The following STAU2 variants were observed in gnomAD, a reference collection of about 807,000 sequenced individuals.
STAU2 encodes staufen double-stranded RNA binding protein 2.
A neutral mutation model predicts 65.9 loss-of-function variants in STAU2; 20 were observed. The observed-to-expected ratio is 0.30, with a 90% CI of 0.21 to 0.44. The LOEUF (loss-of-function observed/expected upper bound fraction) is 0.44, where lower values mean the gene tolerates loss of function less well. STAU2 is among the 20% of genes least tolerant of loss of function. The pLI, the probability that STAU2 is intolerant of heterozygous loss-of-function variation, is 1.00. For missense variants in STAU2, 558 were observed against 683.9 expected, an observed-to-expected ratio of 0.82 and a Z score of 2.05; for synonymous variants, 232 against 233.9, an observed-to-expected ratio of 0.99 and a Z score of 0.07.
intron 5 of STAU2, among the ~76,000 whole-genome samples, chr8:73,674,782 A>C (rs1292568751): frequency 6.6e-6 from 1 of 151,658 alleles, no homozygotes. Context: ...AAGAGACACA[A>C]ATATAAAATC....
rs190950651 is a variant in STAU2, at chr8:73,596,240, G to A, written c.1030-943C>T. ...CCTCAGGTTTTTCATCAGTAAAGCC[G>A]GGGTAATACCAACTACTGCACAATG... is the stretch of plus-strand genomic sequence containing the variant. On this transcript the variant is annotated intron_variant, in intron 10 of 14. Coordinates refer to ENST00000524300, the MANE Select transcript of STAU2 (RefSeq NM_001164380.2). Among the ~76,000 whole-genome samples, 586 of 152,144 alleles carry A rather than the reference G, an allele frequency of 3.9e-3. 3 individuals carry two copies. Among genetic ancestry groups the A allele is most frequent in the Non-Finnish European group, 6.7e-3 (455 of 68,006 alleles).
chr8:73,666,666 T>C (rs886418182), intron 6 of STAU2, among the ~76,000 whole-genome samples: 1 of 152,172 alleles, frequency 6.6e-6, no homozygotes, highest in African/African-American at 2.4e-5. Flanking sequence ...AAGGTAACCT[T>C]GACATAAAAT....
At chr8:73,583,500 G>A (rs1339841171) in intron 11 of STAU2, among the ~76,000 whole-genome samples, 1 of 152,148 alleles carries the variant, frequency 6.6e-6, no homozygotes, top group Non-Finnish European at 1.5e-5. Flanking sequence ...AAATGCTTAA[G>A]TGACCAAAAG....
intron 13 of STAU2, among the ~76,000 whole-genome samples, chr8:73,465,961 G>A (rs376118745): frequency 3.3e-5 from 5 of 152,120 alleles, no homozygotes; most frequent in African/African-American, 7.2e-5. Flanking sequence ...GATTACAGGC[G>A]CACGCCACCA....
chr8:73,557,117 A>G (rs1369669236), intron 12 of STAU2, among the ~76,000 whole-genome samples: 4 of 152,228 alleles, frequency 2.6e-5, no homozygotes, highest in Non-Finnish European at 5.9e-5. Flanking sequence ...TATTGTTATT[A>G]TACAGGACTA....
At chr8:73,607,085 T>G (rs1756595067) in intron 9 of STAU2, among the ~76,000 whole-genome samples, 1 of 152,170 alleles carries the variant, frequency 6.6e-6, no homozygotes, top group Non-Finnish European at 1.5e-5. Flanking sequence ...GTTTTACACA[T>G]GCAAACAAAT....
At position 73,613,717 on chromosome 8, in the gene STAU2, G is replaced by T. The variant is rs376038089; in HGVS notation, c.891+27C>A. The T allele has an allele frequency of 3.9e-6, 6 of 1,538,752 alleles. No individual in the cohort carries two copies. The South Asian group carries it at 4.7e-5, about 12-fold the overall frequency. On this transcript the variant is annotated intron_variant, in intron 9 of 14. Coordinates refer to ENST00000524300, the MANE Select transcript of STAU2 (RefSeq NM_001164380.2). ...ACTATAATATTTATTTAGTAAAACT[G>T]ACTGATGTTCACAAATATAAACTTA...
chr8:73,616,399 G>A (rs1483657677), intron 7 of STAU2, among the ~76,000 whole-genome samples: 1 of 152,092 alleles, frequency 6.6e-6, no homozygotes, highest in Non-Finnish European at 1.5e-5. Context: ...AAGAGTACAA[G>A]CAGAAAAACA....
chr8:73,568,852 T>C (rs933144957), intron 12 of STAU2, among the ~76,000 whole-genome samples: 1 of 152,094 alleles, frequency 6.6e-6, no homozygotes, highest in Non-Finnish European at 1.5e-5. Context: ...ATGTTTTGAT[T>C]GGAGGTTCCA....
At chr8:73,614,900 C>T (rs891387443) in intron 8 of STAU2, among the ~76,000 whole-genome samples, 3 of 152,030 alleles carry the variant, frequency 2.0e-5, no homozygotes, top group Admixed American at 2.0e-4. Context: ...AGCTGTGGAC[C>T]GAGAACTGAG....
intron 11 of STAU2, among the ~76,000 whole-genome samples, chr8:73,588,785 G>A (rs1199400041): frequency 1.3e-5 from 2 of 152,084 alleles, no homozygotes; most frequent in Non-Finnish European, 2.9e-5. Flanking sequence ...GCAAATGCTG[G>A]GAAATGTACA....
intron 12 of STAU2, among the ~76,000 whole-genome samples, chr8:73,581,208 G>A (rs1452693804): frequency 6.6e-6 from 1 of 152,040 alleles, no homozygotes; most frequent in Non-Finnish European, 1.5e-5. Flanking sequence ...GGAGCCTGCA[G>A]GTTATCTATA....
At chr8:73,727,576 T>C (rs149310875) in intron 3 of STAU2, among the ~76,000 whole-genome samples, 50 of 152,358 alleles carry the variant, frequency 3.3e-4, no homozygotes, top group African/African-American at 1.1e-3. Flanking sequence ...AGACAATTTA[T>C]GGAATACAGA....
rs146192503 is a variant in STAU2, at chr8:73,614,631, C to T, written c.679-675G>A. Among the ~76,000 whole-genome samples the T allele has an allele frequency of 2.8e-3, 429 of 152,072 alleles. 5 individuals are homozygous for T. Among genetic ancestry groups the T allele is most frequent in the African/African-American group, 9.9e-3 (409 of 41,474 alleles). ...TAATCTGCAATACTAAATATTTAAC[C>T]TTTAATTGTTCACATTAGATCATCA... is the stretch of plus-strand genomic sequence containing the variant. On this transcript the variant is annotated intron_variant, in intron 8 of 14. Transcript: ENST00000524300.
At chr8:73,724,691 ATTTT>A (rs71269938) in intron 3 of STAU2, among the ~76,000 whole-genome samples, 17 of 142,102 alleles carry the variant, frequency 1.2e-4, no homozygotes, top group East Asian at 4.1e-4. Context: ...ATATATATAT[ATTTT>A]TTTTTTTTTT....
chr8:73,746,582 C>T (rs1384796056), intron 1 of STAU2, among the ~76,000 whole-genome samples: 1 of 151,994 alleles, frequency 6.6e-6, no homozygotes, highest in East Asian at 2.0e-4. Flanking sequence ...TCCTCCCTCC[C>T]CCGCCGGTCT....
chr8:73,681,199 T>G (rs1818404390), intron 5 of STAU2, among the ~76,000 whole-genome samples: 1 of 152,052 alleles, frequency 6.6e-6, no homozygotes, highest in Non-Finnish European at 1.5e-5. Flanking sequence ...GGAAATAATC[T>G]TAAGATCTGT....
chr8:73,507,422 T>A (rs1192536654), intron 13 of STAU2, among the ~76,000 whole-genome samples: 1 of 150,474 alleles, frequency 6.6e-6, no homozygotes, highest in Non-Finnish European at 1.5e-5. Context: ...AGACATCTTT[T>A]GAAAGAAGCC....
In STAU2 at chr8:73,478,046, AT is replaced by A. The variant is rs1182408878; in HGVS notation, c.1531-55345del. ...GAAATATATATATGTATATATATAT[AT>A]TTTTTTTTGTAGTAAGAAAATGCAG... On this transcript the variant is annotated intron_variant, in intron 13 of 14. Coordinates refer to ENST00000524300, the MANE Select transcript of STAU2 (RefSeq NM_001164380.2). 6.0e-4 allele frequency among the ~76,000 whole-genome samples: 89 copies of A among 149,056 alleles called. 1 individual carries two copies. The highest frequency in any genetic ancestry group is 7.9e-4 in the Non-Finnish European group (53 of 67,284).
Sources: gnomAD v4.1 joint callset for allele counts (sites outside exome capture counted in the v4.1 genomes callset) on GRCh38, gnomAD v4.1.1 for gene constraint, MANE v1.5 for transcripts, NCBI Gene and HGNC (gene_info 2026-07-23, HGNC 2026-07-21) for gene names.